HOXA3: variants seen among roughly 807,000 people sequenced by gnomAD.
The protein encoded by HOXA3 is homeobox A3, also known as homeobox protein Hox-A3.
HOXA3 carries 8 observed loss-of-function variants against 30.3 expected under a neutral mutation model. That is an observed-to-expected ratio of 0.26 (90% CI 0.15 to 0.48). The LOEUF (loss-of-function observed/expected upper bound fraction) is 0.48, where lower values mean the gene tolerates loss of function less well. HOXA3 is among the 20% of genes least tolerant of loss of function. The pLI is 0.99. For missense variants in HOXA3, 653 were observed against 614.4 expected (o/e 1.06, Z -0.66); for synonymous variants, 323 against 273.1 (o/e 1.18, Z -1.80).
chr7:27,151,613 A>G (rs1318669088), intron 1 of HOXA3: 2 of 456,598 alleles, frequency 4.4e-6, no homozygotes, highest in South Asian at 1.5e-5. Context: ...CCAGCGCTTC[A>G]GACACCTCTC....
chr7:27,110,071 A>G, intron 5 of HOXA3, 44 bp downstream of exon 5: 1 of 1,612,942 alleles, frequency 6.2e-7, no homozygotes, highest in Non-Finnish European at 8.5e-7. Context: ...CTTGGGGACC[A>G]GGAGCCAGGC....
intron 4 of HOXA3, among the ~76,000 whole-genome samples, chr7:27,120,659 G>T (rs1374637518): frequency 1.3e-5 from 2 of 152,000 alleles, no homozygotes; most frequent in Non-Finnish European, 2.9e-5. Context: ...CCTCCAAACG[G>T]CTGCTAACAT....
At chr7:27,151,505 A>T (rs1782971069) in intron 1 of HOXA3, 1 of 447,030 alleles carries the variant, frequency 2.2e-6, no homozygotes, top group Non-Finnish European at 4.5e-6. Context: ...CGCTAACAGC[A>T]TTATGTCCTC....
Position 27,109,029 on chromosome 7 carries a change from T to G in HOXA3, c.527-309A>C, listed in dbSNP as rs145144832. 3.4e-3 allele frequency among the ~76,000 whole-genome samples: 522 copies of G among 152,188 alleles called. 6 individuals are homozygous for G. Among genetic ancestry groups the G allele is most frequent in the Admixed American group, 0.027 (410 of 15,276 alleles). On this transcript the variant is annotated intron_variant, in intron 5 of 5. Transcript: ENST00000612286. ...CTTTCTGACTCATTTACTGGTCCCT[T>G]TGGCCTATCGGACAACAGCCTCCCT...
chr7:27,129,315 G>A (rs1418021571), intron 2 of HOXA3: 1 of 1,614,154 alleles, frequency 6.2e-7, no homozygotes, highest in Admixed American at 1.7e-5. Context: ...CTGGTGGGCC[G>A]GCAGAGGCCG....
At chr7:27,128,851 G>A in intron 2 of HOXA3, 1 of 283,580 alleles carries the variant, frequency 3.5e-6, no homozygotes. Context: ...GAAAGGGTCT[G>A]TCTTCTTCTG....
intron 3 of HOXA3, chr7:27,123,168 A>T (rs1032280888): frequency 1.3e-5 from 2 of 152,310 alleles, no homozygotes; most frequent in Non-Finnish European, 2.9e-5. Flanking sequence ...ACCCGGGTTC[A>T]TTCCACTGGC....
intron 2 of HOXA3, 64 bp downstream of exon 2, chr7:27,140,001 CAGAGAGAGAGAGAGAGAG>C (rs56225492): frequency 2.8e-5 from 4 of 142,400 alleles, no homozygotes. Flanking sequence ...GTTATTGAAC[CAGAGAGAGAGAGAGAGAG>C]AGAGAGAGAG....
At chr7:27,121,341 C>A (rs183209689) in intron 4 of HOXA3, 1 of 151,626 alleles carries the variant, frequency 6.6e-6, no homozygotes, top group South Asian at 2.1e-4. Flanking sequence ...TCTCTGGACA[C>A]GTGTGGATGT....
At chr7:27,127,748 G>T (rs776687904) in intron 2 of HOXA3, among the ~76,000 whole-genome samples, 17 of 152,128 alleles carry the variant, frequency 1.1e-4, no homozygotes, top group Non-Finnish European at 2.4e-4. Flanking sequence ...CTGGAATCGA[G>T]CAGAAAATTC....
chr7:27,150,216 A>C (rs939933849), intron 1 of HOXA3: 21 of 152,104 alleles, frequency 1.4e-4, no homozygotes, highest in African/African-American at 4.8e-4. Flanking sequence ...TAGGCACCCC[A>C]GACCCTCCAA....
Position 27,107,332 on chromosome 7 carries a change from G to A in HOXA3, c.*583C>T, listed in dbSNP as rs1784063856. The stretch of plus-strand genomic sequence containing the variant: ...TTTAATATAAATACGAACGGATGGG[G>A]ATAAATAATATTTAAAACTTAGATT... On this transcript the variant is annotated 3_prime_UTR_variant, in exon 6 of 6. Transcript: ENST00000612286. 6.6e-6 allele frequency: 1 copy of A among 151,938 alleles called. No individual in the cohort carries two copies. The highest frequency in any genetic ancestry group is 2.4e-5 in the African/African-American group (1 of 41,356). 9.4% of individuals were successfully genotyped at this position (151,938 alleles called of 1,614,324 possible). A position where few individuals can be genotyped will look rare whatever the true frequency, so the allele number is the denominator to read the frequency against.
intron 1 of HOXA3, chr7:27,143,023 AT>A: frequency 1.3e-6 from 2 of 1,497,230 alleles, no homozygotes; most frequent in Non-Finnish European, 1.8e-6. Context: ...GGTCGCGTGG[AT>A]TTAGAAAAAG....
chr7:27,148,651 C>CAG (rs1782870212), intron 1 of HOXA3, among the ~76,000 whole-genome samples: 1 of 152,236 alleles, frequency 6.6e-6, no homozygotes, highest in Non-Finnish European at 1.5e-5. Flanking sequence ...ATTGAAAGGC[C>CAG]AGAAACCACT....
At chr7:27,145,489 TTTGTTTTGTA>T (rs1219970113) in intron 1 of HOXA3, 38 of 700,208 alleles carry the variant, frequency 5.4e-5, no homozygotes, top group Non-Finnish European at 8.1e-5. Context: ...TTTGTTTTGT[TTTGTTTTGTA>T]AGAAATAAAT....
rs189585344 is a variant in HOXA3, at chr7:27,133,494, G to A, written c.-389-6424C>T. 2.6e-4 allele frequency among the ~76,000 whole-genome samples: 39 copies of A among 152,318 alleles called. 1 individual carries two copies. Among genetic ancestry groups the A allele is most frequent in the African/African-American group, 7.2e-4 (30 of 41,576 alleles). On this transcript the variant is annotated intron_variant, in intron 2 of 5. Coordinates refer to ENST00000612286, the MANE Select transcript of HOXA3 (RefSeq NM_153631.3). ...ACACCAACTGGCTCCAGTCCCAAGC[G>A]GGGTGAAAGCGTTATCCTTTCCTTA...
At chr7:27,149,121 C>A (rs1308905692) in intron 1 of HOXA3, among the ~76,000 whole-genome samples, 1 of 152,266 alleles carries the variant, frequency 6.6e-6, no homozygotes, top group Non-Finnish European at 1.5e-5. Context: ...CTGTCCTGAG[C>A]TGCTCACTCT....
chr7:27,109,883 T>C (rs1784262257), intron 5 of HOXA3, among the ~76,000 whole-genome samples: 1 of 152,208 alleles, frequency 6.6e-6, no homozygotes, highest in Non-Finnish European at 1.5e-5. Flanking sequence ...CTACTTGCCC[T>C]TGGAGAAGTC....
chr7:27,125,034 T>C (rs1398079128), intron 3 of HOXA3, among the ~76,000 whole-genome samples: 1 of 152,220 alleles, frequency 6.6e-6, no homozygotes. Context: ...CAAGCAGCTT[T>C]GATGGCCCAT....
Sources: allele counts gnomAD v4.1 joint callset (sites outside exome capture counted in the v4.1 genomes callset), GRCh38; gene constraint gnomAD v4.1.1; transcripts MANE v1.5; gene names NCBI Gene and HGNC (gene_info 2026-07-23, HGNC 2026-07-21).